HECW2: variants seen among roughly 807,000 people sequenced by gnomAD.
HECW2 encodes the protein E3 ubiquitin-protein ligase HECW2.
In HECW2, 61 loss-of-function variants were observed where a neutral mutation model predicts 175.2. The ratio of observed to expected loss-of-function variants is 0.35; its 90% CI spans 0.28 to 0.43. The LOEUF (loss-of-function observed/expected upper bound fraction) is 0.43. Among genes scored for constraint, HECW2 ranks in the 20% least tolerant of loss-of-function variants. The pLI is 1.00. For missense variants in HECW2, 1,524 were observed against 2,000.5 expected, an observed-to-expected ratio of 0.76 and a Z score of 4.54; for synonymous variants, 671 against 731.0, an observed-to-expected ratio of 0.92 and a Z score of 1.32.
At chr2:196,572,185 T>TTGTTTTG (rs1690412301) in intron 1 of HECW2, among the ~76,000 whole-genome samples, 1 of 152,172 alleles carries the variant, frequency 6.6e-6, no homozygotes, top group South Asian at 2.1e-4. Flanking sequence ...TCAGAAGTTT[T>TTGTTTTG]TGTTTTGTGT....
chr2:196,230,947 C>CA (rs1458577175), intron 21 of HECW2, among the ~76,000 whole-genome samples: 1 of 151,842 alleles, frequency 6.6e-6, no homozygotes, highest in Non-Finnish European at 1.5e-5. Flanking sequence ...ACTAAAAATA[C>CA]AAAAAATTAG....
At chr2:196,218,593 G>A (rs1026100509) in intron 26 of HECW2, among the ~76,000 whole-genome samples, 2 of 152,022 alleles carry the variant, frequency 1.3e-5, no homozygotes, top group Non-Finnish European at 1.5e-5. Flanking sequence ...GCAGGAGATC[G>A]CTTGAGGCCA....
chr2:196,278,314 G>A (rs1345063321), intron 15 of HECW2, among the ~76,000 whole-genome samples: 1 of 146,734 alleles, frequency 6.8e-6, no homozygotes, highest in East Asian at 2.0e-4. Flanking sequence ...CGTCAGTTTT[G>A]CCTCATATAT....
intron 19 of HECW2, among the ~76,000 whole-genome samples, chr2:196,246,257 T>C (rs555228707): frequency 1.4e-4 from 21 of 152,144 alleles, no homozygotes; most frequent in Non-Finnish European, 2.6e-4. Flanking sequence ...TCTGAGAAAC[T>C]GCAGACTAGA....
chr2:196,375,176 A>AAAG (rs1257206683), intron 2 of HECW2, among the ~76,000 whole-genome samples: 6 of 151,390 alleles, frequency 4.0e-5, no homozygotes, highest in African/African-American at 9.8e-5. Flanking sequence ...AAAAAGAAAG[A>AAAG]AAAAAAAGAA....
At chr2:196,481,606 G>C (rs1686846603) in intron 1 of HECW2, among the ~76,000 whole-genome samples, 1 of 152,186 alleles carries the variant, frequency 6.6e-6, no homozygotes, top group Admixed American at 6.5e-5. Context: ...CCTCCAAACT[G>C]AATATATCTT....
At chr2:196,538,107 G>C (rs1689081419) in intron 1 of HECW2, among the ~76,000 whole-genome samples, 1 of 152,248 alleles carries the variant, frequency 6.6e-6, no homozygotes, top group Non-Finnish European at 1.5e-5. Context: ...GTCCGACAGA[G>C]ACAGTCAAGT....
chr2:196,583,106 C>G (rs1244505673), intron 1 of HECW2, among the ~76,000 whole-genome samples: 1 of 152,154 alleles, frequency 6.6e-6, no homozygotes, highest in East Asian at 1.9e-4. Context: ...GGTTTAGGGT[C>G]GTATTGCCAT....
chr2:196,533,481 G>T (rs1432995482), intron 1 of HECW2, among the ~76,000 whole-genome samples: 1 of 152,044 alleles, frequency 6.6e-6, no homozygotes, highest in Admixed American at 6.6e-5. Context: ...GTGTGTGGGG[G>T]GGTATCTTTT....
At chr2:196,528,014 G>C (rs1688727374) in intron 1 of HECW2, among the ~76,000 whole-genome samples, 1 of 152,012 alleles carries the variant, frequency 6.6e-6, no homozygotes, top group South Asian at 2.1e-4. Flanking sequence ...GAGTGATTTG[G>C]TTTCCTCTAA....
intron 1 of HECW2, among the ~76,000 whole-genome samples, chr2:196,558,878 T>TA (rs1159274012): frequency 6.6e-6 from 1 of 152,182 alleles, no homozygotes; most frequent in African/African-American, 2.4e-5. Flanking sequence ...GGCAGGCATT[T>TA]AAAAAAACCT....
rs1203362698 is a variant in HECW2, at chr2:196,504,470, T to C, written c.-35-71012A>G. On this transcript the variant is annotated intron_variant, in intron 1 of 28. Coordinates refer to ENST00000644978, the MANE Select transcript of HECW2 (RefSeq NM_001348768.2). ...CACTCAGTCCCTCCAAGCAAGGATA[T>C]ATGGCAGGGAGGCTGCCTCACATGA... is the stretch of plus-strand genomic sequence containing the variant. Among the ~76,000 whole-genome samples, 5 of 152,048 alleles carry C rather than the reference T, an allele frequency of 3.3e-5. No homozygotes were observed. In the East Asian group the frequency reaches 9.6e-4, roughly 29 times the overall value.
intron 28 of HECW2, among the ~76,000 whole-genome samples, chr2:196,213,089 T>A (rs186154027): frequency 2.0e-5 from 3 of 152,312 alleles, no homozygotes; most frequent in Admixed American, 6.5e-5. Context: ...TTTACAGATC[T>A]TTTTTTACAC....
In HECW2 at chr2:196,341,671, T is replaced by C. The variant is rs557645612; in HGVS notation, c.400+1986A>G. Among the ~76,000 whole-genome samples the C allele has an allele frequency of 1.6e-4, 25 of 152,370 alleles. 1 individual carries two copies. In the South Asian group the frequency reaches 5.2e-3, roughly 32 times the overall value. ...CCCCTTTCTGACCTTCCTTTCTCTC[T>C]GCTTTTTGTGAGCATTTTCCCTTAA... On this transcript the variant is annotated intron_variant, in intron 3 of 28. Transcript: ENST00000644978.
intron 3 of HECW2, among the ~76,000 whole-genome samples, chr2:196,340,124 A>G (rs945090632): frequency 7.9e-5 from 12 of 152,212 alleles, no homozygotes; most frequent in African/African-American, 2.9e-4. Context: ...CTTTCTGCAG[A>G]TAAAAACAAA....
At chr2:196,279,746 C>T (rs1248060564) in intron 14 of HECW2, among the ~76,000 whole-genome samples, 9 of 152,304 alleles carry the variant, frequency 5.9e-5, no homozygotes, top group African/African-American at 2.2e-4. Flanking sequence ...CATACAAACT[C>T]ATCACATACC....
Position 196,535,245 on chromosome 2 carries a change from A to G in HECW2, c.-36+58263T>C, listed in dbSNP as rs143074517. On this transcript the variant is annotated intron_variant, in intron 1 of 28. Transcript: ENST00000644978. ...ACTCCAAATGAAGAAACACAAAATC[A>G]AGATCAGTACTAAACTAGATGTGGG... 4.0e-3 allele frequency among the ~76,000 whole-genome samples: 606 copies of G among 152,304 alleles called. 6 individuals carry two copies. Among genetic ancestry groups the G allele is most frequent in the Middle Eastern group, 0.014 (4 of 294 alleles).
At chr2:196,279,305 C>T (rs568145246) in intron 14 of HECW2, among the ~76,000 whole-genome samples, 48 of 152,184 alleles carry the variant, frequency 3.2e-4, no homozygotes, top group Non-Finnish European at 5.4e-4. Context: ...GCCTTGGCCT[C>T]CCAAAGTGCT....
intron 1 of HECW2, among the ~76,000 whole-genome samples, chr2:196,567,144 G>A (rs1313528387): frequency 1.3e-5 from 2 of 152,160 alleles, no homozygotes; most frequent in East Asian, 3.9e-4. Flanking sequence ...ACAGACTGGG[G>A]TACAAATGTG....
Sources: allele counts gnomAD v4.1 joint callset (sites outside exome capture counted in the v4.1 genomes callset), GRCh38; gene constraint gnomAD v4.1.1; transcripts MANE v1.5; gene names NCBI Gene and HGNC (gene_info 2026-07-23, HGNC 2026-07-21).